The following DISP1 variants were observed in gnomAD, a reference collection of about 807,000 sequenced individuals.
DISP1 encodes the protein dispatched RND transporter family member 1.
In DISP1, 30 loss-of-function variants were observed where a neutral mutation model predicts 37.3. The ratio of observed to expected loss-of-function variants is 0.80; its 90% CI spans 0.60 to 1.09. DISP1 has a LOEUF of 1.09. DISP1 is among the 50% of genes least tolerant of loss of function. The pLI, the probability that DISP1 is intolerant of heterozygous loss-of-function variation, is 0.00. For synonymous variants in DISP1, 634 were observed against 690.2 expected (o/e 0.92, Z 1.28); for missense variants, 1,598 against 1,879.5 (o/e 0.85, Z 2.77).
chr1:222,997,300 C>T (rs1248570245), intron 8 of DISP1, among the ~76,000 whole-genome samples: 1 of 152,076 alleles, frequency 6.6e-6, no homozygotes, highest in African/African-American at 2.4e-5. Context: ...TGTAACCTCC[C>T]AGCAGCCAGA....
intron 3 of DISP1, among the ~76,000 whole-genome samples, chr1:222,952,025 C>T (rs1675262302): frequency 6.6e-6 from 1 of 152,072 alleles, no homozygotes; most frequent in Admixed American, 6.5e-5. Context: ...AATTCATATT[C>T]CCCTCTTTTC....
intron 1 of DISP1, among the ~76,000 whole-genome samples, chr1:222,838,608 G>GA (rs75584296): frequency 1.3e-5 from 2 of 151,182 alleles, no homozygotes; most frequent in Non-Finnish European, 1.5e-5. Flanking sequence ...CATCTACAAA[G>GA]AAAAAAAAAT....
rs757725090 is a variant in DISP1, at chr1:223,005,439, C to T, written c.4042C>T (p.Gln1348Ter). 1.9e-5 allele frequency: 30 copies of T among 1,613,446 alleles called. No homozygotes were observed. Among genetic ancestry groups the T allele is most frequent in the African/African-American group, 4.0e-5 (3 of 74,910 alleles). Residue 1348 changes from glutamine to a stop codon, truncating the protein, a stop_gained, in exon 9 of 9, where the codon CAG (glutamine) becomes TAG (stop). Coordinates refer to ENST00000675850, the MANE Select transcript of DISP1 (RefSeq NM_001377229.1). LOFTEE classifies it low-confidence loss of function (END_TRUNC). The part of the protein sequence containing the change: ...LQGRVKPAGM[Q>*]NSLPRNFFLH... ...GGGCAGAGTAAAGCCAGCCGGAATGCAGAATTCTCTGCCTAGGAATTTTTT... is the reference window on the plus strand; with the variant it reads ...GGGCAGAGTAAAGCCAGCCGGAATGTAGAATTCTCTGCCTAGGAATTTTTT...
At chr1:222,972,670 T>C (rs575216316) in intron 3 of DISP1, among the ~76,000 whole-genome samples, 7 of 152,334 alleles carry the variant, frequency 4.6e-5, no homozygotes, top group African/African-American at 1.7e-4. Context: ...TTAATTCTAA[T>C]TCTGTTTCTT....
intron 1 of DISP1, among the ~76,000 whole-genome samples, chr1:222,895,090 A>G (rs1671172727): frequency 6.6e-6 from 1 of 152,202 alleles, no homozygotes; most frequent in African/African-American, 2.4e-5. Flanking sequence ...ATGCATTTGA[A>G]AATCTAGAGA....
intron 3 of DISP1, among the ~76,000 whole-genome samples, chr1:222,944,134 G>A (rs1201652553): frequency 1.3e-5 from 2 of 152,126 alleles, no homozygotes; most frequent in Non-Finnish European, 2.9e-5. Flanking sequence ...GTGACTATGT[G>A]GTATGCTGAG....
rs1668103354 is a variant in DISP1 at position 222,849,416 on chromosome 1, G to A, written c.-159+34338G>A. Among the ~76,000 whole-genome samples, 3 of 152,024 alleles carry A rather than the reference G, an allele frequency of 2.0e-5. No individual in the cohort carries two copies. The South Asian group carries it at 6.2e-4, about 31-fold the overall frequency. On this transcript the variant is annotated intron_variant, in intron 1 of 8. Transcript: ENST00000675850. ...TAAACCTAGTATTTATACAAAAAAGGCTGTCTAAATGAAAACCACATTGAG... is the reference window on the plus strand; with the variant it reads ...TAAACCTAGTATTTATACAAAAAAGACTGTCTAAATGAAAACCACATTGAG...
chr1:222,817,402 C>T (rs972207616), intron 1 of DISP1, among the ~76,000 whole-genome samples: 16 of 152,218 alleles, frequency 1.1e-4, no homozygotes. Context: ...TTGTAAAATA[C>T]GAAATAATTT....
intron 1 of DISP1, among the ~76,000 whole-genome samples, chr1:222,822,021 C>G (rs1663075664): frequency 6.6e-6 from 1 of 152,124 alleles, no homozygotes; most frequent in Admixed American, 6.5e-5. Context: ...CCCTGCCATG[C>G]AGAACTGTGA....
At chr1:222,931,243 T>C (rs2125457687) in intron 2 of DISP1, among the ~76,000 whole-genome samples, 1 of 152,092 alleles carries the variant, frequency 6.6e-6, no homozygotes, top group African/African-American at 2.4e-5. Context: ...TGCCTAACAA[T>C]GTGTGGGAGT....
chr1:222,838,015 T>A (rs918969994), intron 1 of DISP1, among the ~76,000 whole-genome samples: 4 of 152,196 alleles, frequency 2.6e-5, no homozygotes, highest in Non-Finnish European at 4.4e-5. Context: ...CTCTCGATAG[T>A]TTTTCCTATT....
chr1:222,828,947 G>C (rs551578393), intron 1 of DISP1, among the ~76,000 whole-genome samples: 1 of 152,232 alleles, frequency 6.6e-6, no homozygotes, highest in South Asian at 2.1e-4. Flanking sequence ...GGAGTATTTT[G>C]TATTGAACAT....
intron 1 of DISP1, among the ~76,000 whole-genome samples, chr1:222,907,978 T>C (rs1183186510): frequency 6.6e-6 from 1 of 152,078 alleles, no homozygotes; most frequent in Non-Finnish European, 1.5e-5. Flanking sequence ...AAATAAAGAT[T>C]TGATTATTTA....
In DISP1 at chr1:223,002,471, C is replaced by A. The variant is rs770022569; in HGVS notation, c.1074C>A (p.Ile358=). 4 of 1,614,130 alleles carry A rather than the reference C, an allele frequency of 2.5e-6. No homozygotes were observed. ...CCAGCTGGACACTGGGAAACTACATCGCCATTCTGAACAATAGATCGTCCT... is the reference window on the plus strand; with the variant it reads ...CCAGCTGGACACTGGGAAACTACATAGCCATTCTGAACAATAGATCGTCCT... ...CCPSWTLGNY[I]AILNNRSSCQ... Residue 358 remains isoleucine (I), a synonymous_variant, in exon 9 of 9, where the codon ATC becomes ATA. Coordinates refer to ENST00000675850, the MANE Select transcript of DISP1 (RefSeq NM_001377229.1).
chr1:222,833,447 T>C (rs2125249426), intron 1 of DISP1, among the ~76,000 whole-genome samples: 1 of 152,340 alleles, frequency 6.6e-6, no homozygotes, highest in Non-Finnish European at 1.5e-5. Flanking sequence ...TTTATTACTA[T>C]AAACTAACCT....
At chr1:222,985,596 G>A (rs972102770) in intron 4 of DISP1, among the ~76,000 whole-genome samples, 1 of 152,196 alleles carries the variant, frequency 6.6e-6, no homozygotes, top group Non-Finnish European at 1.5e-5. Context: ...GTTGCAGTGA[G>A]CCAAGATCGT....
Position 223,003,115 on chromosome 1 carries a change from A to G in DISP1, c.1718A>G (p.Asp573Gly). 6.2e-7 allele frequency: 1 copy of G among 1,614,182 alleles called. No homozygotes were observed. The highest frequency in any genetic ancestry group is 8.5e-7 in the Non-Finnish European group (1 of 1,180,028). Residue 573 changes from aspartate (D) to glycine (G), a missense_variant, in exon 9 of 9, where the codon GAT (aspartate) becomes GGT (glycine). Transcript: ENST00000675850. The surrounding 1 kb of genome is among the most constrained non-coding windows in gnomAD (Gnocchi z 4.3). ...ATTTTGGTTGGAATTGGAGCAGATG[A>G]TGCTTTTGTCCTGTGTGATGTTTGG... ...LIILVGIGAD[D>G]AFVLCDVWNY... is the part of the protein sequence containing the mutation.
chr1:222,831,187 T>A (rs1350815067), intron 1 of DISP1: 1 of 152,226 alleles, frequency 6.6e-6, no homozygotes, highest in Non-Finnish European at 1.5e-5. Context: ...ATGGTTCTTT[T>A]AAAAACTGGG....
rs1182692318 is a variant in DISP1, at chr1:222,990,673, C to T, written c.588C>T (p.Cys196=). 1.9e-6 allele frequency: 3 copies of T among 1,614,006 alleles called. No homozygotes were observed. Among genetic ancestry groups the T allele is most frequent in the South Asian group, 2.2e-5 (2 of 91,082 alleles). ...GGCCGGTGGTGGTCTTGGGCATGTGCACCATGTTCATCGTAGTCTGTGCCT... is the reference window on the plus strand; with the variant it reads ...GGCCGGTGGTGGTCTTGGGCATGTGTACCATGTTCATCGTAGTCTGTGCCT... ...ADWPVVVLGM[C]TMFIVVCALV... Residue 196 remains cysteine, a synonymous_variant, in exon 5 of 9, where the codon TGC becomes TGT. Transcript: ENST00000675850.
Sources: gnomAD v4.1 joint callset for allele counts (sites outside exome capture counted in the v4.1 genomes callset) on GRCh38, gnomAD v4.1.1 for gene constraint, Gnocchi (gnomAD v3.1) non-coding constraint, MANE v1.5 for transcripts, NCBI Gene and HGNC (gene_info 2026-07-23, HGNC 2026-07-21) for gene names.